Variants in USP4 observed in about 807,000 individuals in gnomAD.
USP4 encodes the protein ubiquitin carboxyl-terminal hydrolase 4.
In USP4, 72 loss-of-function variants were observed where a neutral mutation model predicts 118.2. The observed-to-expected ratio is 0.61, with a 90% CI of 0.50 to 0.74. The LOEUF (loss-of-function observed/expected upper bound fraction) is 0.74, where lower values mean the gene tolerates loss of function less well. Among genes scored for constraint, USP4 ranks in the 30% least tolerant of loss-of-function variants. The pLI, the probability that USP4 is intolerant of heterozygous loss-of-function variation, is 0.00. For missense variants in USP4, 1,037 were observed against 1,185.7 expected, an observed-to-expected ratio of 0.87 and a Z score of 1.84; for synonymous variants, 415 against 440.4, an observed-to-expected ratio of 0.94 and a Z score of 0.72.
At chr3:49,302,610 C>T in intron 9 of USP4, 68 bp from the exon 10 acceptor site, 1 of 1,514,852 alleles carries the variant, frequency 6.6e-7, no homozygotes, top group South Asian at 1.2e-5. Context: ...AAAAGAATTG[C>T]CATCAAAAAT....
At chr3:49,291,456 T>A (rs1286805771) in intron 15 of USP4, among the ~76,000 whole-genome samples, 3 of 150,724 alleles carry the variant, frequency 2.0e-5, no homozygotes, top group Non-Finnish European at 4.4e-5. Context: ...GCGCCTGTAA[T>A]CCCTGCTACT....
chr3:49,283,008 CTTT>C (rs71077783), intron 19 of USP4, among the ~76,000 whole-genome samples: 7 of 78,282 alleles, frequency 8.9e-5, no homozygotes, highest in Non-Finnish European at 1.5e-4. Flanking sequence ...GTGCCGGCCT[CTTT>C]TTTTTTTTTT....
chr3:49,298,244 G>A (rs2047229122), intron 12 of USP4, among the ~76,000 whole-genome samples: 1 of 152,174 alleles, frequency 6.6e-6, no homozygotes, highest in African/African-American at 2.4e-5. Context: ...CAGAGCCTCT[G>A]GAGTATTCCA....
chr3:49,295,288 C>CAAAAAAAAAAAAAAA (rs34296887), intron 13 of USP4, among the ~76,000 whole-genome samples: 1 of 11,928 alleles, frequency 8.4e-5, no homozygotes, highest in Non-Finnish European at 1.8e-4. Flanking sequence ...GACTCCATCT[C>CAAAAAAAAAAAAAAA]AAAAAAAAAA....
chr3:49,305,945 A>G (rs2047310247), intron 8 of USP4, 57 bp from the exon 9 acceptor site: 1 of 1,489,848 alleles, frequency 6.7e-7, no homozygotes. Flanking sequence ...CAGAGATACA[A>G]GATAAATCAA....
intron 20 of USP4, among the ~76,000 whole-genome samples, chr3:49,279,644 C>A (rs1366199980): frequency 3.3e-5 from 5 of 152,062 alleles, no homozygotes; most frequent in African/African-American, 1.2e-4. Context: ...ACTACAGAAC[C>A]CAATGGAGAT....
chr3:49,299,213 C>G (rs2047239355), intron 11 of USP4, among the ~76,000 whole-genome samples: 1 of 152,070 alleles, frequency 6.6e-6, no homozygotes, highest in South Asian at 2.1e-4. Context: ...CCTCAGCCTC[C>G]TGAGTAGCTG....
intron 12 of USP4, 52 bp from the exon 13 acceptor site, chr3:49,298,016 C>G (rs1320911757): frequency 5.0e-6 from 6 of 1,198,752 alleles, no homozygotes; most frequent in Non-Finnish European, 7.4e-6. Context: ...AGTGCCCCTA[C>G]TAACTGCTTA....
Position 49,294,440 on chromosome 3 carries a change from T to C in USP4, c.1850A>G (p.Glu617Gly), listed in dbSNP as rs775682264. The C allele has an allele frequency of 4.3e-6, 7 of 1,614,088 alleles. No individual in the cohort carries two copies. The highest frequency in any genetic ancestry group is 5.9e-6 in the Non-Finnish European group (7 of 1,179,990). ...LSVPKHKLTL[E>G]SLYQAVCDRI... Reference sequence around the variant, plus strand: ...ATCACAAACAGCCTGGTACAAAGACTCAAGGGTTAACTTGTGCTTGGGGAC... The same window carrying C: ...ATCACAAACAGCCTGGTACAAAGACCCAAGGGTTAACTTGTGCTTGGGGAC... The change falls in exon 14 of 22, where the codon GAG becomes GGG. Residue 617 changes from glutamate to glycine, a missense_variant. Coordinates refer to ENST00000265560, the MANE Select transcript of USP4 (RefSeq NM_003363.4).
intron 15 of USP4, among the ~76,000 whole-genome samples, chr3:49,291,023 C>T (rs995159965): frequency 6.6e-6 from 1 of 151,936 alleles, no homozygotes; most frequent in Admixed American, 6.5e-5. Context: ...GGCTGGAGTG[C>T]AGTGGCGTGA....
chr3:49,277,846 G>T lies in USP4; in HGVS notation c.*447C>A. Reference sequence around the variant, plus strand: ...AGTGCACATAGCGAGGGAAAGGGGAGTTTACTTGAGGTTTGGGTTACTGTG... The same window carrying T: ...AGTGCACATAGCGAGGGAAAGGGGATTTTACTTGAGGTTTGGGTTACTGTG... On this transcript the variant is annotated 3_prime_UTR_variant, in exon 22 of 22. Coordinates refer to ENST00000265560, the MANE Select transcript of USP4 (RefSeq NM_003363.4). The T allele has an allele frequency of 3.2e-6, 1 of 314,746 alleles. No individual in the cohort carries two copies. The highest frequency in any genetic ancestry group is 2.1e-5 in the African/African-American group (1 of 47,142). The allele number at this position is 314,746 out of a possible 1,614,324, so 19.5% of individuals were successfully genotyped here. A position where few individuals can be genotyped will look rare whatever the true frequency, so the allele number is the denominator to read the frequency against.
chr3:49,332,514 T>C (rs114561213), intron 2 of USP4, among the ~76,000 whole-genome samples: 4,475 of 151,670 alleles, frequency 0.03, 104 homozygotes, highest in Non-Finnish European at 0.042. Context: ...AAGAGGTAGA[T>C]GGCATCTTCC....
chr3:49,329,018 A>G (rs2047586629), intron 2 of USP4, among the ~76,000 whole-genome samples: 1 of 151,856 alleles, frequency 6.6e-6, no homozygotes, highest in Admixed American at 6.6e-5. Flanking sequence ...TCTCTACTAC[A>G]AACACAAAAA....
intron 13 of USP4, among the ~76,000 whole-genome samples, chr3:49,295,701 T>TGTGCGC (rs781287530): frequency 1.4e-5 from 2 of 146,072 alleles, no homozygotes; most frequent in African/African-American, 5.3e-5. Flanking sequence ...TATGCACGTG[T>TGTGCGC]GCGCGCGCGC....
chr3:49,295,056 A>G (rs569541175), intron 13 of USP4, among the ~76,000 whole-genome samples: 23 of 152,174 alleles, frequency 1.5e-4, no homozygotes, highest in Admixed American at 1.2e-3. Context: ...TTGGGAGGCC[A>G]AGGCGGGCGG....
chr3:49,329,907 AG>A (rs2107802380), intron 2 of USP4, among the ~76,000 whole-genome samples: 2 of 152,246 alleles, frequency 1.3e-5, no homozygotes, highest in Admixed American at 1.3e-4. Flanking sequence ...CGGCAGGCTG[AG>A]GCGGGAGGAT....
rs988960196 is a variant in USP4, at chr3:49,286,123, A to G, written c.2175T>C (p.Ala725=). Reference sequence around the variant, plus strand: ...AGTTGAGTTTAAGTAGTTTTCCATCAGCTGCAAGTGAATTTATGTCAGCTG... The same window carrying G: ...AGTTGAGTTTAAGTAGTTTTCCATCGGCTGCAAGTGAATTTATGTCAGCTG... ...YGTADINSLA[A]DGKLLKLNSR... Residue 725 remains alanine (A), a synonymous_variant, in exon 16 of 22, where the codon GCT becomes GCC. Transcript: ENST00000265560. 1.9e-6 allele frequency: 3 copies of G among 1,614,218 alleles called. No individual in the cohort carries two copies. Among genetic ancestry groups the G allele is most frequent in the Admixed American group, 1.7e-5 (1 of 60,014 alleles).
intron 1 of USP4, among the ~76,000 whole-genome samples, chr3:49,338,711 T>C (rs1226609599): frequency 1.3e-5 from 2 of 149,602 alleles, no homozygotes; most frequent in Non-Finnish European, 3.0e-5. Context: ...ACAAAAAAAG[T>C]ACCTCTGTTT....
chr3:49,312,424 C>T (rs766953254), intron 6 of USP4: 13 of 448,926 alleles, frequency 2.9e-5, no homozygotes, highest in Non-Finnish European at 4.5e-5. Context: ...GGGAGTAAGC[C>T]GAGACTGCAC....
Sources: gnomAD v4.1 joint callset for allele counts (sites outside exome capture counted in the v4.1 genomes callset) on GRCh38, gnomAD v4.1.1 for gene constraint, MANE v1.5 for transcripts, NCBI Gene and HGNC (gene_info 2026-07-23, HGNC 2026-07-21) for gene names.